DPF1: variants seen among roughly 807,000 people sequenced by gnomAD.
DPF1 encodes the protein double PHD fingers 1.
Under a neutral mutation model 58.7 loss-of-function variants are expected in DPF1, and 14 were observed. The ratio of observed to expected loss-of-function variants is 0.24; its 90% confidence interval spans 0.16 to 0.37. The LOEUF is 0.37. DPF1 is among the 10% of genes least tolerant of loss of function. The probability of loss-of-function intolerance (pLI) is 1.00; values close to 1 mark genes in which losing one functional copy is unlikely to be tolerated. For missense variants in DPF1, 345 were observed against 529.9 expected (o/e 0.65, Z 3.43); for synonymous variants, 216 against 216.0 (o/e 1.00, Z 0.00).
upstream of DPF1, among the ~76,000 whole-genome samples, chr19:38,225,635 C>T (rs1967786173): frequency 6.6e-6 from 1 of 151,692 alleles, no homozygotes; most frequent in Admixed American, 6.6e-5. Flanking sequence ...TGACTCATGC[C>T]TGTAATCCCA....
In DPF1 at chr19:38,224,003, C is replaced by A; in HGVS notation, c.29+111G>T. 3 of 1,322,678 alleles carry A rather than the reference C, an allele frequency of 2.3e-6. No individual in the cohort carries two copies. Among genetic ancestry groups the A allele is most frequent in the Non-Finnish European group, 2.9e-6 (3 of 1,027,106 alleles). The allele number at this position is 1,322,678 out of a possible 1,614,324, so 81.9% of individuals were successfully genotyped here. A position where few individuals can be genotyped will look rare whatever the true frequency, so the allele number is the denominator to read the frequency against. The stretch of plus-strand genomic sequence containing the variant: ...TCGCACCCCCGCGCAGCCCCGCACT[C>A]GGTGACAGCCCCCCAGACACCCCTT... On this transcript the variant is annotated intron_variant, in intron 1 of 11. Transcript: ENST00000355526. The surrounding 1 kb of genome is among the most constrained non-coding windows in gnomAD (Gnocchi z 4.5).
At chr19:38,218,504 C>G in intron 5 of DPF1, 69 bp downstream of exon 5, 1 of 1,532,156 alleles carries the variant, frequency 6.5e-7, no homozygotes, top group Non-Finnish European at 9.0e-7. Context: ...GGGCGGACCA[C>G]TGCACCTGCT....
Position 38,212,047 on chromosome 19 carries a change from G to C in DPF1, c.*16C>G. The C allele has an allele frequency of 1.2e-6, 2 of 1,604,000 alleles. No homozygotes were observed. The highest frequency in any genetic ancestry group is 1.7e-6 in the Non-Finnish European group (2 of 1,177,308). On this transcript the variant is annotated 3_prime_UTR_variant, in exon 12 of 12. Coordinates refer to ENST00000355526, the MANE Select transcript of DPF1 (RefSeq NM_001135155.3). ...TAGGCGAGCACCACCCCAGAGTCGC[G>C]GCGAGCCGAGCCGGCCTAGGTGAGG... is the stretch of plus-strand genomic sequence containing the variant.
In DPF1 at chr19:38,222,319, G is replaced by T. The variant is rs779780162; in HGVS notation, c.298+38C>A. 43 of 1,534,208 alleles carry T rather than the reference G, an allele frequency of 2.8e-5. No individual in the cohort carries two copies. In the East Asian group the frequency reaches 9.6e-4, roughly 34 times the overall value. ...ACGAGTGCTAGGACACACAGCAGGCGCTGGGACACCGATGGGGGCCCCAGC... is the reference window on the plus strand; with the variant it reads ...ACGAGTGCTAGGACACACAGCAGGCTCTGGGACACCGATGGGGGCCCCAGC... On this transcript the variant is annotated intron_variant, in intron 3 of 11. Coordinates refer to ENST00000355526, the MANE Select transcript of DPF1 (RefSeq NM_001135155.3). The surrounding 1 kb of genome is among the most constrained non-coding windows in gnomAD (Gnocchi z 4.9).
At position 38,212,095 on chromosome 19, in the gene DPF1, C is replaced by A; in HGVS notation, c.1132G>T (p.Glu378Ter). The part of the protein sequence containing the change: ...SCHLCLRHLK[E>*]KASAYITLT The stretch of plus-strand genomic sequence containing the variant: ...AGGGTGATGTAAGCAGAAGCCTTTT[C>A]CTTCAGGTGCCGGAGACAGAGGTGA... Residue 378 changes from glutamate to a stop codon, truncating the protein, a stop_gained, in exon 12 of 12, where the codon GAA becomes TAA. Coordinates refer to ENST00000355526, the MANE Select transcript of DPF1 (RefSeq NM_001135155.3). LOFTEE classifies it high-confidence loss of function. The A allele has an allele frequency of 6.2e-7, 1 of 1,612,402 alleles. No individual in the cohort carries two copies. The highest frequency in any genetic ancestry group is 8.5e-7 in the Non-Finnish European group (1 of 1,179,752).
At position 38,213,638 on chromosome 19, in the gene DPF1, A is replaced by G; in HGVS notation, c.1011+6T>C. On this transcript the variant is annotated splice_donor_region_variant and intron_variant, in intron 10 of 11. Coordinates refer to ENST00000355526, the MANE Select transcript of DPF1 (RefSeq NM_001135155.3). Reference sequence around the variant, plus strand: ...GCAGGGCACGCGGGGGGCGGGCGGCACTCACGTCGTTCTCGGAGGTTCCGC... The same window carrying G: ...GCAGGGCACGCGGGGGGCGGGCGGCGCTCACGTCGTTCTCGGAGGTTCCGC... The G allele has an allele frequency of 1.2e-6, 2 of 1,608,530 alleles. No individual in the cohort carries two copies. The highest frequency in any genetic ancestry group is 1.7e-6 in the Non-Finnish European group (2 of 1,177,052).
At chr19:38,219,262 A>G (rs981406638) in intron 3 of DPF1, 20 of 664,694 alleles carry the variant, frequency 3.0e-5, no homozygotes, top group Non-Finnish European at 4.2e-5. Context: ...AGCAGGAGAC[A>G]CGGTCAGAAC....
chr19:38,217,664 A>G, intron 6 of DPF1, 73 bp from the exon 7 acceptor site: 1 of 1,534,550 alleles, frequency 6.5e-7, no homozygotes, highest in Non-Finnish European at 8.8e-7. Flanking sequence ...GGCCTCCAGG[A>G]TCACACCTCC....
intron 5 of DPF1, among the ~76,000 whole-genome samples, chr19:38,218,217 G>T (rs188141899): frequency 1.3e-5 from 2 of 152,210 alleles, no homozygotes; most frequent in Admixed American, 1.3e-4. Context: ...AGAAAAAAAA[G>T]AAAAAAGAAA....
At chr19:38,214,776 C>T (rs1238043263) in intron 9 of DPF1, among the ~76,000 whole-genome samples, 1 of 152,052 alleles carries the variant, frequency 6.6e-6, no homozygotes, top group Admixed American at 6.6e-5. Flanking sequence ...CAGCGATCCT[C>T]CCACCTCAGC....
At chr19:38,224,320 C>T (rs1967720130), upstream of DPF1, 3 of 1,248,994 alleles carry the variant, frequency 2.4e-6, no homozygotes, top group South Asian at 6.8e-5. This position sits in a 1 kb window ranked among gnomAD's most constrained non-coding sequence, Gnocchi z 4.5. Flanking sequence ...AGTCCCAGGC[C>T]AGGGGGCCCC....
chr19:38,212,981 TTTTG>T (rs1028519984), intron 10 of DPF1, among the ~76,000 whole-genome samples: 4 of 150,070 alleles, frequency 2.7e-5, no homozygotes, highest in South Asian at 2.1e-4. Context: ...TGGCTTTTGT[TTTTG>T]TTTGTTTTTT....
At chr19:38,220,294 GAGAGAAAGAAAGAGAAAGAA>G (rs951030577) in intron 3 of DPF1, among the ~76,000 whole-genome samples, 3 of 146,636 alleles carry the variant, frequency 2.0e-5, no homozygotes, top group South Asian at 2.3e-4. Flanking sequence ...AAAAGAGAGA[GAGAGAAAGAAAGAGAAAGAA>G]AGAAAGAAAG....
chr19:38,217,522 T>C lies in DPF1; in HGVS notation c.665A>G (p.Glu222Gly). 6.4e-7 allele frequency: 1 copy of C among 1,551,340 alleles called. No homozygotes were observed. Among genetic ancestry groups the C allele is most frequent in the Non-Finnish European group, 8.7e-7 (1 of 1,146,906 alleles). The change falls in exon 7 of 12, where the codon GAG becomes GGG. Residue 222 changes from glutamate to glycine, a missense_variant. Transcript: ENST00000355526. ...YHYTHTHLAEEEGEENAERHA... is the reference protein window; with the variant it reads ...YHYTHTHLAEGEGEENAERHA... ...GCGTTCGGCGTTCTCCTCCCCCTCC[T>C]CCTCGGCCAGGTGGGTGTGGGTGTA...
upstream of DPF1, among the ~76,000 whole-genome samples, chr19:38,228,297 C>G (rs1967909580): frequency 6.6e-6 from 1 of 152,032 alleles, no homozygotes. Flanking sequence ...CCCCCATTCC[C>G]GCCAGAAACC....
At position 38,216,883 on chromosome 19, in the gene DPF1, C is replaced by G. The variant is rs141765633; in HGVS notation, c.728-480G>C. 5.5e-4 allele frequency among the ~76,000 whole-genome samples: 84 copies of G among 152,316 alleles called. No individual in the cohort carries two copies. In the East Asian group the frequency reaches 0.014, roughly 26 times the overall value. ...TGCACCCTCAGTAATTTGTATCTAACAAATTCAGCGAGTACCCCAGCCAAG... is the reference window on the plus strand; with the variant it reads ...TGCACCCTCAGTAATTTGTATCTAAGAAATTCAGCGAGTACCCCAGCCAAG... On this transcript the variant is annotated intron_variant, in intron 7 of 11. Transcript: ENST00000355526.
At chr19:38,220,393 G>A (rs1043115630) in intron 3 of DPF1, among the ~76,000 whole-genome samples, 57 of 151,976 alleles carry the variant, frequency 3.8e-4, no homozygotes, top group African/African-American at 7.5e-4. Context: ...AGGCCGAGGC[G>A]GGCAGATCAT....
upstream of DPF1, among the ~76,000 whole-genome samples, chr19:38,225,889 C>CAAAAAAA (rs35172798): frequency 7.8e-6 from 1 of 128,518 alleles, no homozygotes; most frequent in African/African-American, 3.0e-5. Flanking sequence ...ACCCTGTCTC[C>CAAAAAAA]AAAAAAAAAA....
chr19:38,211,419 G>T lies in DPF1; in HGVS notation c.*644C>A, dbSNP rs1243888308. On this transcript the variant is annotated 3_prime_UTR_variant, in exon 12 of 12. Transcript: ENST00000355526. The surrounding 1 kb of genome is among the most constrained non-coding windows in gnomAD (Gnocchi z 4.0). ...GGCGGGCACAGGCTGGGGCGGTCGG[G>T]GAGGGGCAGGAACAGAGTTCAAAAC... 2 of 152,346 alleles carry T rather than the reference G, an allele frequency of 1.3e-5. No individual in the cohort carries two copies. The highest frequency in any genetic ancestry group is 2.9e-5 in the Non-Finnish European group (2 of 68,148). 9.4% of individuals were successfully genotyped at this position (152,346 alleles called of 1,614,324 possible).
Sources: allele counts gnomAD v4.1 joint callset (sites outside exome capture counted in the v4.1 genomes callset), GRCh38; gene constraint gnomAD v4.1.1; non-coding constraint Gnocchi (gnomAD v3.1); transcripts MANE v1.5; gene names NCBI Gene and HGNC (gene_info 2026-07-23, HGNC 2026-07-21).